KCNMA1: variants seen among roughly 807,000 people sequenced by gnomAD.
KCNMA1 encodes the protein Calcium-activated potassium channel subunit alpha-1.
KCNMA1 carries 29 observed loss-of-function variants against 140.0 expected under a neutral mutation model. The ratio of observed to expected loss-of-function variants is 0.21; its 90% CI spans 0.15 to 0.28. KCNMA1 has a LOEUF of 0.28. KCNMA1 is among the 10% of genes least tolerant of loss of function. The pLI, the probability that KCNMA1 is intolerant of heterozygous loss-of-function variation, is 1.00. For synonymous variants in KCNMA1, 612 were observed against 611.9 expected, an observed-to-expected ratio of 1.00 and a Z score of 0.00; for missense variants, 880 against 1,602.2, an observed-to-expected ratio of 0.55 and a Z score of 7.70.
At chr10:76,914,229 T>C (rs2051674661) in intron 24 of KCNMA1, 2 of 963,954 alleles carry the variant, frequency 2.1e-6, no homozygotes, top group Non-Finnish European at 3.2e-6. Context: ...GGAAACATTC[T>C]CAAGTAAAGG....
At chr10:76,970,325 A>T in intron 19 of KCNMA1, 2 of 221,618 alleles carry the variant, frequency 9.0e-6, no homozygotes, top group Non-Finnish European at 1.6e-5. Context: ...ACACCCTGCC[A>T]TAAGAAAAAA....
chr10:77,623,841 C>G (rs1393480127), intron 1 of KCNMA1, among the ~76,000 whole-genome samples: 1 of 152,198 alleles, frequency 6.6e-6, no homozygotes, highest in African/African-American at 2.4e-5. Flanking sequence ...ATTACCAACA[C>G]CCCAAAGCTA....
intron 5 of KCNMA1, among the ~76,000 whole-genome samples, chr10:77,183,139 G>A (rs2098816189): frequency 6.6e-6 from 1 of 152,172 alleles, no homozygotes; most frequent in African/African-American, 2.4e-5. Context: ...AATGAAAAGT[G>A]ACAGAACCAT....
chr10:77,440,901 C>G (rs1337907511), intron 1 of KCNMA1, among the ~76,000 whole-genome samples: 1 of 152,190 alleles, frequency 6.6e-6, no homozygotes, highest in African/African-American at 2.4e-5. Context: ...TCACTGCAAG[C>G]TCCGCCTCCC....
At chr10:77,370,768 G>C (rs2094644264) in intron 2 of KCNMA1, among the ~76,000 whole-genome samples, 1 of 152,200 alleles carries the variant, frequency 6.6e-6, no homozygotes, top group African/African-American at 2.4e-5. Context: ...TACTGGAAAA[G>C]ACTTGGCCTT....
intron 2 of KCNMA1, among the ~76,000 whole-genome samples, chr10:77,285,917 G>T (rs1338052547): frequency 6.6e-6 from 1 of 152,164 alleles, no homozygotes. Flanking sequence ...CAGTGCCTCT[G>T]TAAAGGACAG....
intron 14 of KCNMA1, among the ~76,000 whole-genome samples, chr10:77,050,585 G>T (rs2095324997): frequency 6.6e-6 from 1 of 152,168 alleles, no homozygotes; most frequent in African/African-American, 2.4e-5. Flanking sequence ...TGTCACCCAA[G>T]TGTCTTGGCA....
intron 1 of KCNMA1, among the ~76,000 whole-genome samples, chr10:77,561,580 G>C (rs763170093): frequency 2.6e-5 from 4 of 152,178 alleles, no homozygotes; most frequent in Non-Finnish European, 5.9e-5. Context: ...AGAGACTCGG[G>C]AAAGTTAAAT....
rs577326927 is a variant in KCNMA1 at position 77,291,779 on chromosome 10, C to T, written c.541-40523G>A. On this transcript the variant is annotated intron_variant, in intron 2 of 27. Coordinates refer to ENST00000286628, the MANE Select transcript of KCNMA1 (RefSeq NM_001161352.2). ...TTCAAGTGCCTCATATGTGCTGGTGCTTTACTTGGGCTGTTTATTTCATTT... is the reference window on the plus strand; with the variant it reads ...TTCAAGTGCCTCATATGTGCTGGTGTTTTACTTGGGCTGTTTATTTCATTT... 2.5e-3 allele frequency among the ~76,000 whole-genome samples: 384 copies of T among 152,258 alleles called. 1 individual carries two copies. The highest frequency in any genetic ancestry group is 8.7e-3 in the African/African-American group (363 of 41,556).
chr10:77,164,866 A>G (rs527458), intron 5 of KCNMA1, among the ~76,000 whole-genome samples: 48,267 of 152,020 alleles, frequency 0.32, 9,616 homozygotes, highest in East Asian at 0.9. Flanking sequence ...TAGGGAATCT[A>G]GAGTTGTGTT....
chr10:77,602,069 G>T (rs1450566972), intron 1 of KCNMA1, among the ~76,000 whole-genome samples: 5 of 152,168 alleles, frequency 3.3e-5, no homozygotes, highest in Non-Finnish European at 7.3e-5. Context: ...CCAGTTGGTG[G>T]GAGGGGTCTT....
At chr10:77,389,115 T>A (rs1271735678) in intron 2 of KCNMA1, among the ~76,000 whole-genome samples, 1 of 152,236 alleles carries the variant, frequency 6.6e-6, no homozygotes, top group Non-Finnish European at 1.5e-5. Context: ...CCCCTGTTTT[T>A]TAAAGTTCAT....
intron 1 of KCNMA1, among the ~76,000 whole-genome samples, chr10:77,457,628 T>C (rs920666530): frequency 1.3e-5 from 2 of 152,116 alleles, no homozygotes; most frequent in Non-Finnish European, 2.9e-5. Context: ...GACACCTTTA[T>C]AACTAGTTCC....
intron 10 of KCNMA1, among the ~76,000 whole-genome samples, chr10:77,088,340 A>C (rs1282509934): frequency 6.6e-6 from 1 of 152,236 alleles, no homozygotes; most frequent in Non-Finnish European, 1.5e-5. Context: ...CAAGAGGTTA[A>C]TTAACTGGGC....
chr10:77,459,818 C>T (rs1053824776), intron 1 of KCNMA1, among the ~76,000 whole-genome samples: 34 of 152,342 alleles, frequency 2.2e-4, no homozygotes, highest in African/African-American at 7.2e-4. Context: ...TTCCTCACTG[C>T]GTGGCCTTAG....
At chr10:76,918,949 T>C (rs2163797) in intron 23 of KCNMA1, among the ~76,000 whole-genome samples, 93,674 of 137,826 alleles carry the variant, frequency 0.68, 31,724 homozygotes, top group South Asian at 0.79. Flanking sequence ...CACACACACA[T>C]ATATATGTGA....
intron 1 of KCNMA1, among the ~76,000 whole-genome samples, chr10:77,557,365 G>A (rs1219648525): frequency 6.6e-6 from 1 of 152,186 alleles, no homozygotes; most frequent in African/African-American, 2.4e-5. Context: ...CATAAAGGAT[G>A]TGTGGACAAA....
At chr10:77,460,531 GCACACA>G (rs59284219) in intron 1 of KCNMA1, among the ~76,000 whole-genome samples, 4 of 147,836 alleles carry the variant, frequency 2.7e-5, no homozygotes, top group African/African-American at 9.9e-5. Context: ...GTACACACGT[GCACACA>G]CACACACACA....
chr10:76,899,810 C>T (rs1256628148), intron 25 of KCNMA1, among the ~76,000 whole-genome samples: 1 of 152,054 alleles, frequency 6.6e-6, no homozygotes, highest in East Asian at 1.9e-4. Flanking sequence ...TTTGACATGA[C>T]TCATATTGTA....
Sources: allele counts gnomAD v4.1 joint callset (sites outside exome capture counted in the v4.1 genomes callset), GRCh38; gene constraint gnomAD v4.1.1; transcripts MANE v1.5; gene names NCBI Gene and HGNC (gene_info 2026-07-23, HGNC 2026-07-21).